The following C10orf143 variants were observed in gnomAD, a reference collection of about 807,000 sequenced individuals.
C10orf143 encodes the protein uncharacterized protein C10orf143.
chr10:130,082,568 C>T (rs1180763628), intron 1 of C10orf143, among the ~76,000 whole-genome samples: 2 of 152,180 alleles, frequency 1.3e-5, no homozygotes, highest in Non-Finnish European at 2.9e-5. Flanking sequence ...AGGGGCTTCC[C>T]TTTTGCTTGG....
At chr10:130,074,323 G>A (rs984491610) in intron 3 of C10orf143, among the ~76,000 whole-genome samples, 2 of 152,152 alleles carry the variant, frequency 1.3e-5, no homozygotes, top group Admixed American at 1.3e-4. Context: ...ACAAACCTGG[G>A]GGTAGAAATG....
intron 3 of C10orf143, among the ~76,000 whole-genome samples, chr10:130,055,952 T>TAAAAAAAAAAAAA (rs369284797): frequency 7.9e-4 from 52 of 65,864 alleles, no homozygotes; most frequent in Non-Finnish European, 9.1e-4. Flanking sequence ...TCTCCAAAAG[T>TAAAAAAAAAAAAA]AAAAAAAAAA....
Position 130,106,794 on chromosome 10 carries a change from A to G in C10orf143, c.69+3910T>C, listed in dbSNP as rs749539015. 10 of 1,191,124 alleles carry G rather than the reference A, an allele frequency of 8.4e-6. No individual in the cohort carries two copies. In the East Asian group the frequency reaches 2.1e-4, roughly 25 times the overall value. The allele number at this position is 1,191,124 out of a possible 1,614,324, so 73.8% of individuals were successfully genotyped here. A position where few individuals can be genotyped will look rare whatever the true frequency, so the allele number is the denominator to read the frequency against. On this transcript the variant is annotated intron_variant, in intron 1 of 3. Transcript: ENST00000637128. ...CAGAAAATAACATTTGAAGACTCCA[A>G]AGTACATGCAGAACAAGTTCTAAAT...
At chr10:130,039,151 C>T (rs2765482) in intron 3 of C10orf143, among the ~76,000 whole-genome samples, 5,797 of 152,112 alleles carry the variant, frequency 0.038, 362 homozygotes, top group African/African-American at 0.13. Context: ...GACACTAGCC[C>T]AGCCAGTGCT....
At chr10:130,041,627 C>G (rs980650959) in intron 3 of C10orf143, among the ~76,000 whole-genome samples, 1 of 152,164 alleles carries the variant, frequency 6.6e-6, no homozygotes, top group Non-Finnish European at 1.5e-5. Flanking sequence ...TTGAGAGGAA[C>G]TTATGTGTCT....
intron 1 of C10orf143, among the ~76,000 whole-genome samples, chr10:130,097,386 T>C (rs1861479886): frequency 6.6e-6 from 1 of 152,024 alleles, no homozygotes; most frequent in Admixed American, 6.6e-5. Flanking sequence ...ACTGTACCTC[T>C]ACAAAAAAAG....
chr10:130,103,082 G>A (rs751976864), intron 1 of C10orf143, among the ~76,000 whole-genome samples: 5 of 151,518 alleles, frequency 3.3e-5, no homozygotes, highest in African/African-American at 4.9e-5. Context: ...GGGCTCAAGC[G>A]ATCCTCCTGC....
chr10:130,096,108 A>G (rs954980547), intron 1 of C10orf143, among the ~76,000 whole-genome samples: 5 of 152,192 alleles, frequency 3.3e-5, no homozygotes, highest in African/African-American at 1.2e-4. Flanking sequence ...AAAAAAATAA[A>G]CAACCCCATC....
chr10:130,079,990 TACAG>T (rs1861180755), intron 1 of C10orf143, 89 bp from the exon 2 acceptor site: 2 of 397,982 alleles, frequency 5.0e-6, no homozygotes, highest in Non-Finnish European at 4.4e-6. Context: ...CAGCTGCAAA[TACAG>T]ACCCCTGTGG....
chr10:130,106,079 TTGGGGC>T (rs1564972229), intron 1 of C10orf143: 1 of 601,234 alleles, frequency 1.7e-6, no homozygotes, highest in South Asian at 1.4e-5. Context: ...TCAGCGGTAC[TTGGGGC>T]TGGTCCTGGG....
chr10:130,056,195 C>T lies in C10orf143; in HGVS notation c.298-20225G>A, dbSNP rs552764158. Among the ~76,000 whole-genome samples, 1 of 152,176 alleles carries T rather than the reference C, an allele frequency of 6.6e-6. No individual in the cohort carries two copies. Among genetic ancestry groups the T allele is most frequent in the Admixed American group, 6.5e-5 (1 of 15,290 alleles). The stretch of plus-strand genomic sequence containing the variant: ...CCTGATTTAGGGCTGAAAACATCAC[C>T]GTGTATTTAGTAAATGTGCAATTAA... On this transcript the variant is annotated intron_variant and NMD_transcript_variant, in intron 3 of 5. Coordinates refer to the C10orf143 transcript ENST00000643056. This position sits in a 1 kb window ranked among gnomAD's most constrained non-coding sequence, Gnocchi z 4.6.
intron 1 of C10orf143, among the ~76,000 whole-genome samples, chr10:130,095,872 C>G (rs1318836421): frequency 1.3e-5 from 2 of 152,164 alleles, no homozygotes; most frequent in Admixed American, 6.5e-5. Context: ...CCATTCAGGA[C>G]ACAGGCATGG....
chr10:130,105,234 G>C (rs1283222435), intron 1 of C10orf143, among the ~76,000 whole-genome samples: 1 of 152,094 alleles, frequency 6.6e-6, no homozygotes, highest in Non-Finnish European at 1.5e-5. Flanking sequence ...GGCCTGCTTT[G>C]TATTTTAGTT....
At chr10:130,037,942 C>T (rs942847069) in intron 3 of C10orf143, among the ~76,000 whole-genome samples, 4 of 152,172 alleles carry the variant, frequency 2.6e-5, no homozygotes, top group African/African-American at 7.2e-5. Context: ...ATCCAGATTC[C>T]GGCAGGCGTC....
chr10:130,052,904 G>C (rs1590007195), intron 3 of C10orf143, among the ~76,000 whole-genome samples: 1 of 152,232 alleles, frequency 6.6e-6, no homozygotes, highest in African/African-American at 2.4e-5. Flanking sequence ...GTCGAGTAGT[G>C]GTGGAGGTCA....
chr10:130,081,676 C>T (rs1453041542), intron 1 of C10orf143, among the ~76,000 whole-genome samples: 2 of 150,934 alleles, frequency 1.3e-5, no homozygotes, highest in African/African-American at 4.9e-5. Context: ...AAGGCACTTC[C>T]ACCTGGAAAT....
At chr10:130,068,793 G>A (rs1860983320) in intron 3 of C10orf143, among the ~76,000 whole-genome samples, 1 of 151,580 alleles carries the variant, frequency 6.6e-6, no homozygotes, top group Non-Finnish European at 1.5e-5. Context: ...CAGCAGATTT[G>A]AGCAAGCAGA....
rs192291454 is a variant in C10orf143 at position 130,098,904 on chromosome 10, G to A, written c.69+11800C>T. 9.2e-5 allele frequency among the ~76,000 whole-genome samples: 14 copies of A among 152,150 alleles called. No individual in the cohort carries two copies. The East Asian group carries it at 2.7e-3, about 29-fold the overall frequency. ...AGTTCAAGACCAGCCTGGCCAACATGGAGAAACCCCATCTCTACTAAAAAT... is the reference window on the plus strand; with the variant it reads ...AGTTCAAGACCAGCCTGGCCAACATAGAGAAACCCCATCTCTACTAAAAAT... On this transcript the variant is annotated intron_variant, in intron 1 of 3. Coordinates refer to ENST00000637128, the MANE Select transcript of C10orf143 (RefSeq NM_001355042.2).
rs562947721 is a variant in C10orf143 at position 130,107,067 on chromosome 10, T to C, written c.69+3637A>G. 68 of 1,515,784 alleles carry C rather than the reference T, an allele frequency of 4.5e-5. No homozygotes were observed. The African/African-American group carries it at 7.1e-4, about 16-fold the overall frequency. The allele number at this position is 1,515,784 out of a possible 1,614,324, so 93.9% of individuals were successfully genotyped here. On this transcript the variant is annotated intron_variant, in intron 1 of 3. Transcript: ENST00000637128. Reference sequence around the variant, plus strand: ...CAAATTTATATCCAGTTACCTGAAATTGATAAAACAAAGGAAGAGCTTACA... The same window carrying C: ...CAAATTTATATCCAGTTACCTGAAACTGATAAAACAAAGGAAGAGCTTACA...
Sources: gnomAD v4.1 joint callset for allele counts (sites outside exome capture counted in the v4.1 genomes callset) on GRCh38, gnomAD v4.1.1 for gene constraint, Gnocchi (gnomAD v3.1) non-coding constraint, MANE v1.5 for transcripts, NCBI Gene and HGNC (gene_info 2026-07-23, HGNC 2026-07-21) for gene names.